Variants in SOX6 observed in about 807,000 individuals in gnomAD.
SOX6 encodes SRY-box transcription factor 6.
A neutral mutation model predicts 97.8 loss-of-function variants in SOX6; 11 were observed. That is an observed-to-expected ratio of 0.11 (90% CI 0.07 to 0.19). The LOEUF (loss-of-function observed/expected upper bound fraction) is 0.19, where lower values mean the gene tolerates loss of function less well. Ranked by LOEUF, SOX6 falls within the 10% of genes least tolerant of loss-of-function variation. The pLI, the probability that SOX6 is intolerant of heterozygous loss-of-function variation, is 1.00. For synonymous variants in SOX6, 360 were observed against 371.4 expected, an observed-to-expected ratio of 0.97 and a Z score of 0.35; for missense variants, 810 against 1,039.5, an observed-to-expected ratio of 0.78 and a Z score of 3.04.
intron 3 of SOX6, among the ~76,000 whole-genome samples, chr11:16,628,393 G>A (rs1324505271): frequency 6.6e-6 from 1 of 152,118 alleles, no homozygotes; most frequent in Non-Finnish European, 1.5e-5. Context: ...GGAGGCCGAG[G>A]TGGGTGGATC....
At chr11:16,431,379 C>T (rs768293039) in intron 1 of SOX6, among the ~76,000 whole-genome samples, 5 of 152,076 alleles carry the variant, frequency 3.3e-5, no homozygotes, top group Non-Finnish European at 7.4e-5. Flanking sequence ...ACATAGTTGA[C>T]TCTACATCTA....
chr11:16,444,900 C>A (rs940194833), intron 1 of SOX6, among the ~76,000 whole-genome samples: 6 of 152,164 alleles, frequency 3.9e-5, no homozygotes, highest in Non-Finnish European at 8.8e-5. Context: ...TGCTCACTTT[C>A]GCTCAGCCAG....
chr11:16,190,350 C>T (rs1025292521), intron 4 of SOX6, among the ~76,000 whole-genome samples: 2 of 152,158 alleles, frequency 1.3e-5, no homozygotes, highest in African/African-American at 4.8e-5. Context: ...CTATAGGTTG[C>T]ACATCCACTT....
intron 12 of SOX6, among the ~76,000 whole-genome samples, chr11:16,024,724 GC>G (rs1241320997): frequency 1.3e-5 from 2 of 151,940 alleles, no homozygotes; most frequent in African/African-American, 4.8e-5. Context: ...CCTGCTCTAT[GC>G]CCAGAGAGAA....
At chr11:16,209,649 A>G (rs375397593) in intron 4 of SOX6, among the ~76,000 whole-genome samples, 1 of 152,116 alleles carries the variant, frequency 6.6e-6, no homozygotes, top group African/African-American at 2.4e-5. Context: ...GCTACTCAGG[A>G]GGCCAAGACA....
chr11:16,342,060 T>C (rs1440641463), intron 1 of SOX6, among the ~76,000 whole-genome samples: 1 of 152,062 alleles, frequency 6.6e-6, no homozygotes, highest in African/African-American at 2.4e-5. Flanking sequence ...ATGCCTACTG[T>C]GCATAATATT....
intron 13 of SOX6, among the ~76,000 whole-genome samples, chr11:16,003,233 T>C (rs1854453333): frequency 6.6e-6 from 1 of 151,994 alleles, no homozygotes; most frequent in Middle Eastern, 3.2e-3. Flanking sequence ...TTTTGTGTCA[T>C]AACACTGAAC....
intron 6 of SOX6, among the ~76,000 whole-genome samples, chr11:16,171,623 T>C (rs1021007595): frequency 2.0e-5 from 3 of 151,884 alleles, no homozygotes; most frequent in African/African-American, 4.8e-5. Flanking sequence ...TACAACAAAA[T>C]AAATTAAATA....
intron 1 of SOX6, among the ~76,000 whole-genome samples, chr11:16,439,157 C>A (rs1859449449): frequency 6.6e-6 from 1 of 151,994 alleles, no homozygotes; most frequent in Non-Finnish European, 1.5e-5. Flanking sequence ...AAACTATGGG[C>A]AATATTAATG....
intron 4 of SOX6, among the ~76,000 whole-genome samples, chr11:16,593,918 G>C (rs574180422): frequency 1.3e-5 from 2 of 152,102 alleles, no homozygotes; most frequent in East Asian, 3.9e-4. Flanking sequence ...AATTAAAAAA[G>C]AAAAAATTCA....
intron 4 of SOX6, among the ~76,000 whole-genome samples, chr11:16,521,995 T>A (rs1432364508): frequency 6.6e-6 from 1 of 152,180 alleles, no homozygotes; most frequent in African/African-American, 2.4e-5. Context: ...AGACCAAATC[T>A]ACGTCTGATT....
chr11:16,504,109 A>C (rs1860749042), intron 4 of SOX6, among the ~76,000 whole-genome samples: 1 of 151,818 alleles, frequency 6.6e-6, no homozygotes, highest in Admixed American at 6.6e-5. Flanking sequence ...GCTTACATGC[A>C]CTCAATACCA....
chr11:15,992,761 T>C (rs1854094352), intron 13 of SOX6, among the ~76,000 whole-genome samples: 1 of 152,180 alleles, frequency 6.6e-6, no homozygotes, highest in Non-Finnish European at 1.5e-5. Flanking sequence ...TTTCTGTCTT[T>C]TCGAAGTGAC....
At chr11:16,017,843 C>A (rs528951509) in intron 12 of SOX6, among the ~76,000 whole-genome samples, 4 of 152,074 alleles carry the variant, frequency 2.6e-5, no homozygotes, top group Admixed American at 2.6e-4. Context: ...CATATACATA[C>A]CTCCCAAGTA....
intron 1 of SOX6, among the ~76,000 whole-genome samples, chr11:16,451,363 T>C (rs977566701): frequency 6.6e-6 from 1 of 152,160 alleles, no homozygotes; most frequent in African/African-American, 2.4e-5. Flanking sequence ...TGTAACTAAC[T>C]GCACCCTGAC....
chr11:16,075,984 A>T (rs1285126201), intron 9 of SOX6, among the ~76,000 whole-genome samples: 1 of 152,092 alleles, frequency 6.6e-6, no homozygotes, highest in African/African-American at 2.4e-5. Flanking sequence ...CTCCCATGAC[A>T]TGTGGGGATT....
At chr11:16,357,404 T>G (rs1857102539), upstream of SOX6, among the ~76,000 whole-genome samples, 2 of 152,160 alleles carry the variant, frequency 1.3e-5, no homozygotes, top group South Asian at 4.1e-4. Context: ...CCCAGAGCAC[T>G]GAAGCTCTGA....
intron 1 of SOX6, among the ~76,000 whole-genome samples, chr11:16,376,264 A>G (rs770511596): frequency 1.3e-4 from 20 of 152,084 alleles, no homozygotes; most frequent in Non-Finnish European, 2.1e-4. Flanking sequence ...TTCTTCCTGG[A>G]TTTATACCTT....
Position 16,321,040 on chromosome 11 carries a change from T to C in SOX6, c.238-2387A>G, listed in dbSNP as rs1205661257. Among the ~76,000 whole-genome samples the C allele has an allele frequency of 2.0e-5, 3 of 152,140 alleles. No homozygotes were observed. In the East Asian group the frequency reaches 5.8e-4, roughly 29 times the overall value. On this transcript the variant is annotated intron_variant, in intron 2 of 15. Coordinates refer to ENST00000683767, the MANE Select transcript of SOX6 (RefSeq NM_001367873.1). The stretch of plus-strand genomic sequence containing the variant: ...AGTGATGCAGAGGAACCCCTTCTTT[T>C]AGATGCCAGTCATGGCTAGTATGTG...
Sources: allele counts gnomAD v4.1 joint callset (sites outside exome capture counted in the v4.1 genomes callset), GRCh38; gene constraint gnomAD v4.1.1; transcripts MANE v1.5; gene names NCBI Gene and HGNC (gene_info 2026-07-23, HGNC 2026-07-21).